The following ARHGAP39 variants were observed in gnomAD, a reference collection of about 807,000 sequenced individuals.
ARHGAP39 encodes the protein Rho GTPase activating protein 39.
A neutral mutation model predicts 106.9 loss-of-function variants in ARHGAP39; 44 were observed. The ratio of observed to expected loss-of-function variants is 0.41; its 90% confidence interval spans 0.32 to 0.53. The LOEUF (loss-of-function observed/expected upper bound fraction) is 0.53, where lower values mean the gene tolerates loss of function less well. Among genes scored for constraint, ARHGAP39 ranks in the 20% least tolerant of loss-of-function variants. ARHGAP39 has a pLI of 0.21. For missense variants in ARHGAP39, 1,496 were observed against 1,577.3 expected (o/e 0.95, Z 0.87); for synonymous variants, 768 against 693.2 (o/e 1.11, Z -1.69).
In ARHGAP39 at chr8:144,533,179, C is replaced by A. The variant is rs1816799885; in HGVS notation, c.2835G>T (p.Arg945=). ...PERQLPWVQT[R]LSEEVLALNG... The stretch of plus-strand genomic sequence containing the variant: ...TGAGCGCCAGCACCTCCTCAGAGAG[C>A]CGTGTCTGCACCCAGGGCAGCTGGC... The change falls in exon 9 of 12, where the codon CGG becomes CGT. Residue 945 remains arginine (R), a synonymous_variant. Transcript: ENST00000377307. 1 of 1,611,378 alleles carries A rather than the reference C, an allele frequency of 6.2e-7. No homozygotes were observed. Among genetic ancestry groups the A allele is most frequent in the South Asian group, 1.1e-5 (1 of 91,086 alleles).
rs185383553 is a variant in ARHGAP39 at position 144,642,481 on chromosome 8, C to T, written c.-81-36786G>A. 2.5e-3 allele frequency among the ~76,000 whole-genome samples: 383 copies of T among 151,284 alleles called. 1 individual carries two copies. Among genetic ancestry groups the T allele is most frequent in the African/African-American group, 8.8e-3 (362 of 41,170 alleles). On this transcript the variant is annotated intron_variant, in intron 1 of 11. Coordinates refer to ENST00000377307, the MANE Select transcript of ARHGAP39 (RefSeq NM_025251.3). Reference sequence around the variant, plus strand: ...CAGCCTGGGTGACAGAGTGAGACTCCGTCTTAGGGGAAAAAAAATAGATAA... The same window carrying T: ...CAGCCTGGGTGACAGAGTGAGACTCTGTCTTAGGGGAAAAAAAATAGATAA...
At chr8:144,537,574 C>T in intron 7 of ARHGAP39, 147 bp downstream of exon 7, 1 of 704,288 alleles carries the variant, frequency 1.4e-6, no homozygotes, top group South Asian at 1.8e-5. Flanking sequence ...CTGGGCCCTC[C>T]AGCTCGCTCA....
intron 4 of ARHGAP39, among the ~76,000 whole-genome samples, chr8:144,552,005 C>A (rs1175637628): frequency 6.6e-6 from 1 of 152,242 alleles, no homozygotes; most frequent in South Asian, 2.1e-4. Context: ...ATTCCCACAC[C>A]TCTCTGTAGG....
chr8:144,672,221 GCAGT>G (rs1822118958), intron 1 of ARHGAP39, among the ~76,000 whole-genome samples: 1 of 152,228 alleles, frequency 6.6e-6, no homozygotes, highest in South Asian at 2.1e-4. Flanking sequence ...CATGCAGCAG[GCAGT>G]CAGATTCCGG....
rs114385878 is a variant in ARHGAP39 at position 144,672,291 on chromosome 8, T to C, written c.-82+13395A>G. Among the ~76,000 whole-genome samples the C allele has an allele frequency of 6.1e-3, 927 of 152,270 alleles. 9 individuals are homozygous for C. Among genetic ancestry groups the C allele is most frequent in the African/African-American group, 0.021 (862 of 41,560 alleles). On this transcript the variant is annotated intron_variant, in intron 1 of 11. Coordinates refer to ENST00000377307, the MANE Select transcript of ARHGAP39 (RefSeq NM_025251.3). Reference sequence around the variant, plus strand: ...GCTCTGAGTGGCAGGAGGAACATGCTGGCCACCTCTGTGATCCCAGGGAAT... The same window carrying C: ...GCTCTGAGTGGCAGGAGGAACATGCCGGCCACCTCTGTGATCCCAGGGAAT...
Position 144,670,509 on chromosome 8 carries a change from A to C in ARHGAP39, c.-82+15177T>G, listed in dbSNP as rs1005251158. ...CTCCTTGATGTGCTCCGGACATAAA[A>C]GCCTGGGCAAGGCTTCAAGAAGACT... is the stretch of plus-strand genomic sequence containing the variant. On this transcript the variant is annotated intron_variant, in intron 1 of 11. Transcript: ENST00000377307. The surrounding 1 kb of genome is among the most constrained non-coding windows in gnomAD (Gnocchi z 4.4). 6.6e-6 allele frequency among the ~76,000 whole-genome samples: 1 copy of C among 152,164 alleles called. No individual in the cohort carries two copies. The highest frequency in any genetic ancestry group is 1.5e-5 in the Non-Finnish European group (1 of 68,044).
upstream of ARHGAP39, among the ~76,000 whole-genome samples, chr8:144,688,575 G>A (rs1822682835): frequency 6.6e-6 from 1 of 152,170 alleles, no homozygotes; most frequent in South Asian, 2.1e-4. Context: ...AGGCAACCCC[G>A]TGTCTACAAA....
intron 1 of ARHGAP39, among the ~76,000 whole-genome samples, chr8:144,681,092 G>A (rs1822405353): frequency 6.6e-6 from 1 of 152,130 alleles, no homozygotes; most frequent in African/African-American, 2.4e-5. Flanking sequence ...CACAGCAGGT[G>A]GAAACAGTGT....
chr8:144,685,381 A>T (rs1348783903), intron 1 of ARHGAP39, among the ~76,000 whole-genome samples: 1 of 151,120 alleles, frequency 6.6e-6, no homozygotes, highest in Admixed American at 6.6e-5. Context: ...GGCCGGGCAC[A>T]CGCGAACTCA....
chr8:144,535,494 C>T (rs529681313), intron 7 of ARHGAP39, among the ~76,000 whole-genome samples: 7 of 152,202 alleles, frequency 4.6e-5, no homozygotes, highest in Admixed American at 3.3e-4. Context: ...ATGGTGCCCA[C>T]GCACACTGGA....
chr8:144,575,907 C>T (rs1818755414), intron 3 of ARHGAP39, among the ~76,000 whole-genome samples: 1 of 152,192 alleles, frequency 6.6e-6, no homozygotes, highest in South Asian at 2.1e-4. Context: ...TTTTCAGCTC[C>T]ATTATAATCT....
intron 9 of ARHGAP39, among the ~76,000 whole-genome samples, chr8:144,532,662 G>A (rs1000054779): frequency 1.1e-4 from 16 of 152,204 alleles, no homozygotes; most frequent in African/African-American, 2.9e-4. Context: ...CTGGGTGGAT[G>A]CCCTCACCAA....
intron 1 of ARHGAP39, among the ~76,000 whole-genome samples, chr8:144,651,041 T>A (rs559596146): frequency 6.6e-6 from 1 of 152,316 alleles, no homozygotes; most frequent in South Asian, 2.1e-4. Context: ...ATGAAGCTGA[T>A]AACTTCATCA....
Position 144,548,309 on chromosome 8 carries a change from C to T in ARHGAP39, c.777G>A (p.Pro259=), listed in dbSNP as rs755591407. 3.1e-6 allele frequency: 5 copies of T among 1,608,400 alleles called. No homozygotes were observed. The highest frequency in any genetic ancestry group is 1.7e-5 in the Admixed American group (1 of 59,614). The stretch of plus-strand genomic sequence containing the variant: ...GGAAGAAGATGGTGCCGTCAGCCTC[C>T]GGGGCGAAGGTCTGCAGGCTGGGTG... The part of the protein sequence containing the change: ...QHSPSLQTFA[P]EADGTIFFPE... Residue 259 remains proline (P), a synonymous_variant, in exon 5 of 12, where the codon CCG becomes CCA. Coordinates refer to ENST00000377307, the MANE Select transcript of ARHGAP39 (RefSeq NM_025251.3). This position sits in a 1 kb window ranked among gnomAD's most constrained non-coding sequence, Gnocchi z 7.4.
At chr8:144,562,677 CACTCCAGTGGTTTCCATCGG>C (rs1330153785) in intron 3 of ARHGAP39, among the ~76,000 whole-genome samples, 24 of 150,698 alleles carry the variant, frequency 1.6e-4, no homozygotes, top group Non-Finnish European at 2.1e-4. Context: ...CCATCGGACT[CACTCCAGTGGTTTCCATCGG>C]ACTCCAGTGG....
At chr8:144,629,611 G>A (rs1435465639) in intron 1 of ARHGAP39, among the ~76,000 whole-genome samples, 1 of 152,232 alleles carries the variant, frequency 6.6e-6, no homozygotes, top group Non-Finnish European at 1.5e-5. Context: ...TCAACCCTGT[G>A]AAATTGTATT....
chr8:144,655,796 C>T (rs777579791), intron 1 of ARHGAP39, among the ~76,000 whole-genome samples: 5 of 152,086 alleles, frequency 3.3e-5, no homozygotes, highest in Non-Finnish European at 7.3e-5. Context: ...GCCAGAGAAG[C>T]GACACCCCAA....
chr8:144,559,354 CAAAAAAAAA>C (rs59435627), intron 3 of ARHGAP39, among the ~76,000 whole-genome samples: 16 of 42,930 alleles, frequency 3.7e-4, no homozygotes, highest in South Asian at 2.2e-3. Flanking sequence ...ACTTTGTCTC[CAAAAAAAAA>C]AAAAAAAAAA....
chr8:144,640,828 G>C (rs1213651037), intron 1 of ARHGAP39, among the ~76,000 whole-genome samples: 1 of 152,156 alleles, frequency 6.6e-6, no homozygotes, highest in African/African-American at 2.4e-5. Flanking sequence ...ATAGCCATTA[G>C]GTATTAGATA....
Sources: gnomAD v4.1 joint callset for allele counts (sites outside exome capture counted in the v4.1 genomes callset) on GRCh38, gnomAD v4.1.1 for gene constraint, Gnocchi (gnomAD v3.1) non-coding constraint, MANE v1.5 for transcripts, NCBI Gene and HGNC (gene_info 2026-07-23, HGNC 2026-07-21) for gene names.